Variants in XPC observed in about 807,000 individuals in gnomAD.
XPC encodes XPC complex subunit, DNA damage recognition and repair factor, also known as DNA repair protein complementing XP-C cells.
A neutral mutation model predicts 95.8 loss-of-function variants in XPC; 76 were observed. The ratio of observed to expected loss-of-function variants is 0.79; its 90% CI spans 0.66 to 0.96. The LOEUF (loss-of-function observed/expected upper bound fraction) is 0.96, where lower values mean the gene tolerates loss of function less well. Ranked by LOEUF, XPC falls within the 40% of genes least tolerant of loss-of-function variation. XPC has a pLI of 0.00. For missense variants in XPC, 1,146 were observed against 1,179.8 expected (o/e 0.97, Z 0.42); for synonymous variants, 442 against 442.1 (o/e 1.00, Z 0.00).
In XPC at chr3:14,155,580, C is replaced by T. The variant is rs987161268; in HGVS notation, c.2033+755G>A. 4.6e-5 allele frequency among the ~76,000 whole-genome samples: 7 copies of T among 151,836 alleles called. No individual in the cohort carries two copies. In the East Asian group the frequency reaches 9.6e-4, roughly 21 times the overall value. On this transcript the variant is annotated intron_variant, in intron 10 of 15. Transcript: ENST00000285021. ...TTTAACCATTTTTTTGTTTTTGATA[C>T]GGAGTCTCGTTCTGTCACCCAGGCT...
At chr3:14,147,689 C>G in intron 14 of XPC, 4 of 599,194 alleles carry the variant, frequency 6.7e-6, no homozygotes, top group Non-Finnish European at 1.2e-5. Context: ...GGCAGTAGAC[C>G]CCAGAGCCCG....
intron 3 of XPC, 76 bp downstream of exon 3, chr3:14,170,362 G>A (rs1404446437): frequency 7.3e-7 from 1 of 1,364,568 alleles, no homozygotes; most frequent in Non-Finnish European, 1.0e-6. Context: ...TGCAATTAGT[G>A]ATCTGACTCC....
At chr3:14,167,899 A>C (rs1308532197) in intron 4 of XPC, among the ~76,000 whole-genome samples, 2 of 152,178 alleles carry the variant, frequency 1.3e-5, no homozygotes, top group Non-Finnish European at 2.9e-5. Context: ...AGTCAATGAG[A>C]AGGATTAGGT....
At chr3:14,165,873 C>T (rs893047777) in intron 5 of XPC, 2 of 351,736 alleles carry the variant, frequency 5.7e-6, no homozygotes, top group East Asian at 1.2e-4. Context: ...TCTTGTCTTT[C>T]AGAGATACAT....
At chr3:14,152,199 C>G (rs3731154) in intron 11 of XPC, 136 bp downstream of exon 11, 97 of 658,520 alleles carry the variant, frequency 1.5e-4, no homozygotes, top group Non-Finnish European at 2.3e-4. Flanking sequence ...CTGCTCAAGC[C>G]GGGAAAGTGA....
rs774670281 is a variant in XPC, at chr3:14,172,990, C to T, written c.176G>A (p.Gly59Asp). 5 of 1,612,414 alleles carry T rather than the reference C, an allele frequency of 3.1e-6. No individual in the cohort carries two copies. The highest frequency in any genetic ancestry group is 3.4e-6 in the Non-Finnish European group (4 of 1,179,418). Reference sequence around the variant, plus strand: ...TGCTGAACCCCCAGGATGACTGCAGCCTCTTTTCCTCTTTCCTTGTGAAAC... The same window carrying T: ...TGCTGAACCCCCAGGATGACTGCAGTCTCTTTTCCTCTTTCCTTGTGAAAC... The part of the protein sequence containing the change: ...SKVSQGKRKR[G>D]CSHPGGSADG... The change falls in exon 2 of 16, where the codon GGC becomes GAC. Residue 59 changes from glycine (G) to aspartate (D), a missense_variant. Gly to Asp is a moderately conservative substitution (Grantham distance 94). Transcript: ENST00000285021.
intron 3 of XPC, among the ~76,000 whole-genome samples, chr3:14,169,429 TACAAA>T (rs1191143695): frequency 6.6e-6 from 1 of 152,188 alleles, no homozygotes; most frequent in Non-Finnish European, 1.5e-5. Flanking sequence ...TGAGACAGTC[TACAAA>T]ACAAAAGACT....
Position 14,147,309 on chromosome 3 carries a change from T to C in XPC, c.2585A>G (p.Lys862Arg), listed in dbSNP as rs1695480909. 6.2e-7 allele frequency: 1 copy of C among 1,611,568 alleles called. No homozygotes were observed. The highest frequency in any genetic ancestry group is 2.2e-5 in the East Asian group (1 of 44,840). Residue 862 changes from lysine (K) to arginine (R), a missense_variant, in exon 15 of 16, where the codon AAG becomes AGG. Physicochemically the swap from Lys to Arg is conservative, Grantham distance 26. Transcript: ENST00000285021. ...AKGLLIRERLKRRYGPKSEAA... is the reference protein window; with the variant it reads ...AKGLLIRERLRRRYGPKSEAA... ...ACTGACCTTGGGCCCGTAGCGACGC[T>C]TCAGCCTCTCCCTGATGAGCAGACC...
chr3:14,178,340 C>T (rs956053376), intron 1 of XPC, 126 bp downstream of exon 1: 8 of 1,129,306 alleles, frequency 7.1e-6, no homozygotes, highest in Non-Finnish European at 9.6e-6. Flanking sequence ...GCCGGGCTGC[C>T]CCCACGGCGC....
chr3:14,166,905 G>A (rs1248013563), intron 5 of XPC, among the ~76,000 whole-genome samples: 2 of 152,234 alleles, frequency 1.3e-5, no homozygotes, highest in African/African-American at 2.4e-5. Context: ...TGGCTGAAAG[G>A]AGAGATGGAA....
At chr3:14,150,964 A>G (rs1695664557) in intron 11 of XPC, among the ~76,000 whole-genome samples, 2 of 152,172 alleles carry the variant, frequency 1.3e-5, no homozygotes, top group Admixed American at 6.5e-5. Context: ...AAGGTGGGAC[A>G]AGGATGGCCA....
chr3:14,145,439 A>G lies in XPC; in HGVS notation c.*502T>C, dbSNP rs1007323777. 7.2e-6 allele frequency: 5 copies of G among 695,340 alleles called. No individual in the cohort carries two copies. In the African/African-American group the frequency reaches 8.8e-5, roughly 12 times the overall value. The allele number at this position is 695,340 out of a possible 1,614,324, so 43.1% of individuals were successfully genotyped here. ...AGAGGCAGTGAGGGCAGCATTAGTA[A>G]GCCTGACTCAGGGGAAGGTAAGTGG... On this transcript the variant is annotated 3_prime_UTR_variant, in exon 16 of 16. Coordinates refer to ENST00000285021, the MANE Select transcript of XPC (RefSeq NM_004628.5).
intron 1 of XPC, among the ~76,000 whole-genome samples, chr3:14,176,864 G>A (rs753017922): frequency 4.6e-5 from 7 of 152,228 alleles, no homozygotes; most frequent in African/African-American, 7.2e-5. Context: ...ACTTCGGGAG[G>A]CCGAGGCAAA....
In XPC at chr3:14,164,944, A is replaced by G; in HGVS notation, c.780-11T>C. The G allele has an allele frequency of 6.2e-7, 1 of 1,605,524 alleles. No individual in the cohort carries two copies. Among genetic ancestry groups the G allele is most frequent in the Non-Finnish European group, 8.5e-7 (1 of 1,176,296 alleles). The stretch of plus-strand genomic sequence containing the variant: ...AATGTTCCAATGAACCTGGGGAGAA[A>G]GCAGGCATTCCTTGTGTCAGAGGTC... On this transcript the variant is annotated splice_polypyrimidine_tract_variant and intron_variant, in intron 6 of 15. Coordinates refer to ENST00000285021, the MANE Select transcript of XPC (RefSeq NM_004628.5).
At chr3:14,165,800 A>G in intron 5 of XPC, 1 of 519,100 alleles carries the variant, frequency 1.9e-6, no homozygotes, top group South Asian at 2.9e-5. Flanking sequence ...AGGAATCATC[A>G]AACCTCAAAG....
Position 14,158,897 on chromosome 3 carries a change from A to G in XPC, c.991-5T>C, listed in dbSNP as rs753683676. 1 of 1,613,808 alleles carries G rather than the reference A, an allele frequency of 6.2e-7. No individual in the cohort carries two copies. Among genetic ancestry groups the G allele is most frequent in the Middle Eastern group, 1.7e-4 (1 of 5,992 alleles). On this transcript the variant is annotated splice_region_variant and splice_polypyrimidine_tract_variant and intron_variant, in intron 8 of 15. Coordinates refer to ENST00000285021, the MANE Select transcript of XPC (RefSeq NM_004628.5). This position sits in a 1 kb window ranked among gnomAD's most constrained non-coding sequence, Gnocchi z 5.2. Reference sequence around the variant, plus strand: ...TTCCTTGGAAGGTTTCTTTCCCTTAAACAGAATAAGAAATTTTGCTTTTTT... The same window carrying G: ...TTCCTTGGAAGGTTTCTTTCCCTTAGACAGAATAAGAAATTTTGCTTTTTT...
chr3:14,172,793 T>G (rs1303928760), intron 2 of XPC, 74 bp downstream of exon 2: 46 of 1,501,874 alleles, frequency 3.1e-5, no homozygotes, highest in Non-Finnish European at 4.0e-5. Context: ...CAAGTAAGAA[T>G]AGAGGTTTTC....
At chr3:14,161,600 C>T (rs1559377745) in intron 7 of XPC, among the ~76,000 whole-genome samples, 2 of 146,666 alleles carry the variant, frequency 1.4e-5, no homozygotes, top group African/African-American at 2.6e-5. Flanking sequence ...GAAAAACGCA[C>T]CTGAGACAAT....
rs567927069 is a variant in XPC at position 14,149,069 on chromosome 3, A to AG, written c.2116-122dup. The AG allele has an allele frequency of 1.6e-4, 226 of 1,386,112 alleles. 1 individual carries two copies. In the African/African-American group the frequency reaches 3.0e-3, roughly 18 times the overall value. 85.9% of individuals were successfully genotyped at this position (1,386,112 alleles called of 1,614,324 possible). A position where few individuals can be genotyped will look rare whatever the true frequency, so the allele number is the denominator to read the frequency against. On this transcript the variant is annotated intron_variant, in intron 11 of 15. Coordinates refer to ENST00000285021, the MANE Select transcript of XPC (RefSeq NM_004628.5). ...GGTGAACCCTCAGAACACACCTACC[A>AG]GCTGGGGTGCTTTTTCTCCCTTTTT...
Sources: allele counts gnomAD v4.1 joint callset (sites outside exome capture counted in the v4.1 genomes callset), GRCh38; gene constraint gnomAD v4.1.1; non-coding constraint Gnocchi (gnomAD v3.1); transcripts MANE v1.5; gene names NCBI Gene and HGNC (gene_info 2026-07-23, HGNC 2026-07-21).